The following CCNJL variants were observed in gnomAD, a reference collection of about 807,000 sequenced individuals.
CCNJL encodes the protein cyclin-J-like protein.
CCNJL carries 33 observed loss-of-function variants against 33.4 expected under a neutral mutation model. The ratio of observed to expected loss-of-function variants is 0.99; its 90% CI spans 0.75 to 1.32. CCNJL has a LOEUF of 1.32. Among genes scored for constraint, CCNJL ranks in the 40% most tolerant of loss-of-function variants. The probability of loss-of-function intolerance (pLI) is 0.00; values close to 1 mark genes in which losing one functional copy is unlikely to be tolerated. For missense variants in CCNJL, 512 were observed against 499.7 expected, an observed-to-expected ratio of 1.02 and a Z score of -0.23; for synonymous variants, 227 against 220.9, an observed-to-expected ratio of 1.03 and a Z score of -0.24.
intron 2 of CCNJL, among the ~76,000 whole-genome samples, chr5:160,292,296 C>T (rs574979767): frequency 1.6e-4 from 24 of 152,114 alleles, no homozygotes; most frequent in Non-Finnish European, 3.2e-4. Context: ...ATATAGATAT[C>T]TCTATACATA....
intron 1 of CCNJL, among the ~76,000 whole-genome samples, chr5:160,331,713 C>T (rs1425348613): frequency 6.6e-6 from 1 of 152,220 alleles, no homozygotes; most frequent in Non-Finnish European, 1.5e-5. Context: ...GCCTGTTCTG[C>T]ACCAGATCCT....
At chr5:160,320,595 A>C (rs1176703934) in intron 1 of CCNJL, among the ~76,000 whole-genome samples, 2 of 152,196 alleles carry the variant, frequency 1.3e-5, no homozygotes, top group African/African-American at 4.8e-5. Context: ...ACTGTGGTTG[A>C]CCAGTGGGTG....
intron 2 of CCNJL, among the ~76,000 whole-genome samples, chr5:160,311,002 C>T (rs892103616): frequency 6.6e-5 from 10 of 152,148 alleles, no homozygotes; most frequent in African/African-American, 2.4e-4. Flanking sequence ...GTAATGGCAG[C>T]CCTAGGAAAC....
intron 2 of CCNJL, among the ~76,000 whole-genome samples, chr5:160,287,638 C>T (rs1182950374): frequency 6.6e-6 from 1 of 152,238 alleles, no homozygotes; most frequent in Non-Finnish European, 1.5e-5. Context: ...CACTTGAAGG[C>T]CGCAGCAGCG....
At chr5:160,272,267 TAATC>T (rs1406117754) in intron 3 of CCNJL, among the ~76,000 whole-genome samples, 1 of 152,178 alleles carries the variant, frequency 6.6e-6, no homozygotes, top group Non-Finnish European at 1.5e-5. Context: ...AGTTGCCAAG[TAATC>T]AAAGCAGGGG....
intron 3 of CCNJL, among the ~76,000 whole-genome samples, chr5:160,278,525 C>T (rs1762093758): frequency 1.3e-5 from 2 of 152,168 alleles, no homozygotes; most frequent in Admixed American, 6.5e-5. Context: ...CTGGTCTCTG[C>T]AGCATATGGC....
At chr5:160,283,069 T>C (rs1407752712) in intron 2 of CCNJL, among the ~76,000 whole-genome samples, 4 of 141,848 alleles carry the variant, frequency 2.8e-5, no homozygotes, top group Admixed American at 7.5e-5. Flanking sequence ...AAAACTTGTA[T>C]ATGAATACTC....
chr5:160,256,252 G>T (rs1277795654), intron 4 of CCNJL, among the ~76,000 whole-genome samples: 1 of 152,106 alleles, frequency 6.6e-6, no homozygotes, highest in African/African-American at 2.4e-5. Context: ...CGGCTCCCAG[G>T]GAGCAGCAAG....
chr5:160,321,507 A>G lies in CCNJL; in HGVS notation n.207-6002T>C, dbSNP rs565818177. ...CAGGGCTGCAAAGACCCAAAGTTCA[A>G]GAGCCAAGGATTACGGTCGCAGCCG... On this transcript the variant is annotated intron_variant and non_coding_transcript_variant, in intron 1 of 7. Transcript: ENST00000377503. Among the ~76,000 whole-genome samples the G allele has an allele frequency of 2.6e-5, 4 of 152,352 alleles. No homozygotes were observed. The East Asian group carries it at 7.7e-4, about 29-fold the overall frequency.
intron 2 of CCNJL, among the ~76,000 whole-genome samples, chr5:160,298,535 C>G (rs1762822226): frequency 6.6e-6 from 1 of 152,134 alleles, no homozygotes; most frequent in South Asian, 2.1e-4. Flanking sequence ...CCTGGGCCTA[C>G]AGTCTGGGGA....
At chr5:160,333,980 T>C (rs530965896) in intron 1 of CCNJL, among the ~76,000 whole-genome samples, 2 of 152,202 alleles carry the variant, frequency 1.3e-5, no homozygotes, top group Non-Finnish European at 2.9e-5. Flanking sequence ...CTTAAAGTCC[T>C]ATCCAACAAT....
rs1445292948 is a variant in CCNJL at position 160,252,709 on chromosome 5, CA to C, written c.*668del. On this transcript the variant is annotated 3_prime_UTR_variant, in exon 6 of 6. Coordinates refer to ENST00000257536, the MANE Select transcript of CCNJL (RefSeq NM_001308173.3). Reference sequence around the variant, plus strand: ...CTCCAAAGGAATTTTCAAGTATCACCAAATCCCTGATACAGTGTGTAAACAA... The same window carrying C: ...CTCCAAAGGAATTTTCAAGTATCACCAATCCCTGATACAGTGTGTAAACAA... 4 of 152,580 alleles carry C rather than the reference CA, an allele frequency of 2.6e-5. No individual in the cohort carries two copies. Among genetic ancestry groups the C allele is most frequent in the Admixed American group, 6.6e-5 (1 of 15,260 alleles). The allele number at this position is 152,580 out of a possible 1,614,324, so 9.5% of individuals were successfully genotyped here.
At chr5:160,254,572 T>A (rs1435227333) in intron 5 of CCNJL, 2 of 397,408 alleles carry the variant, frequency 5.0e-6, no homozygotes, top group Non-Finnish European at 8.9e-6. Context: ...TCTTCAGGGG[T>A]CTAAGGGCTT....
chr5:160,295,717 G>C (rs1192784209), intron 2 of CCNJL, among the ~76,000 whole-genome samples: 1 of 152,088 alleles, frequency 6.6e-6, no homozygotes, highest in Non-Finnish European at 1.5e-5. Context: ...GGAAGACCAC[G>C]GATAAAATGC....
At chr5:160,261,435 G>A (rs1281695589) in intron 3 of CCNJL, 2 of 152,282 alleles carry the variant, frequency 1.3e-5, no homozygotes, top group Non-Finnish European at 2.9e-5. Flanking sequence ...CCTTTCCGGA[G>A]CCCAGTCACT....
At chr5:160,286,694 C>G (rs1762417847) in intron 2 of CCNJL, among the ~76,000 whole-genome samples, 1 of 151,988 alleles carries the variant, frequency 6.6e-6, no homozygotes, top group South Asian at 2.1e-4. Context: ...GAATGCATAG[C>G]AATATATGGC....
In CCNJL at chr5:160,326,616, T is replaced by C. The variant is rs1763539640; in HGVS notation, n.207-11111A>G. 6.6e-6 allele frequency: 4 copies of C among 603,156 alleles called. 1 individual carries two copies. Among genetic ancestry groups the C allele is most frequent in the South Asian group, 3.2e-5 (2 of 62,532 alleles). 37.4% of individuals were successfully genotyped at this position (603,156 alleles called of 1,614,324 possible). A position where few individuals can be genotyped will look rare whatever the true frequency, so the allele number is the denominator to read the frequency against. On this transcript the variant is annotated intron_variant and non_coding_transcript_variant, in intron 1 of 7. Coordinates refer to the CCNJL transcript ENST00000377503. Reference sequence around the variant, plus strand: ...CTCTAATCATAGTCCTCAGTAACTATAGCTACTGATAAAGTAGGTTCTTAG... The same window carrying C: ...CTCTAATCATAGTCCTCAGTAACTACAGCTACTGATAAAGTAGGTTCTTAG...
chr5:160,289,681 A>G (rs796844757), intron 2 of CCNJL, among the ~76,000 whole-genome samples: 46 of 152,244 alleles, frequency 3.0e-4, no homozygotes, highest in African/African-American at 1.1e-3. Context: ...GGACTCATGA[A>G]TCACAGCCCA....
chr5:160,287,649 C>A (rs147709891), intron 2 of CCNJL, among the ~76,000 whole-genome samples: 54 of 152,384 alleles, frequency 3.5e-4, no homozygotes, highest in African/African-American at 1.2e-3. Flanking sequence ...CGCAGCAGCG[C>A]AGTGCAGGAA....
Sources: allele counts gnomAD v4.1 joint callset (sites outside exome capture counted in the v4.1 genomes callset), GRCh38; gene constraint gnomAD v4.1.1; transcripts MANE v1.5; gene names NCBI Gene and HGNC (gene_info 2026-07-23, HGNC 2026-07-21).